The following EXOC6 variants were observed in gnomAD, a reference collection of about 807,000 sequenced individuals.
EXOC6 encodes the protein SEC15-like 1.
EXOC6 carries 60 observed loss-of-function variants against 112.5 expected under a neutral mutation model. That is an observed-to-expected ratio of 0.53 (90% confidence interval 0.43 to 0.66). The LOEUF (loss-of-function observed/expected upper bound fraction) is 0.66, where lower values mean the gene tolerates loss of function less well. EXOC6 is among the 30% of genes least tolerant of loss of function. The pLI is 0.00. For missense variants in EXOC6, 855 were observed against 957.1 expected (o/e 0.89, Z 1.41); for synonymous variants, 295 against 308.0 (o/e 0.96, Z 0.44).
At chr10:92,975,281 G>A (rs1203678914) in intron 18 of EXOC6, among the ~76,000 whole-genome samples, 4 of 151,256 alleles carry the variant, frequency 2.6e-5, no homozygotes, top group African/African-American at 9.7e-5. Flanking sequence ...GGTGAGGAGC[G>A]TCTCTGCTCG....
chr10:92,987,209 A>T (rs1843043026), intron 18 of EXOC6, among the ~76,000 whole-genome samples: 1 of 152,222 alleles, frequency 6.6e-6, no homozygotes. Flanking sequence ...AAAATTTTTG[A>T]AGCTTAACAA....
intron 17 of EXOC6, among the ~76,000 whole-genome samples, chr10:92,966,109 T>A (rs1027754007): frequency 1.3e-5 from 2 of 152,074 alleles, no homozygotes; most frequent in African/African-American, 4.8e-5. Flanking sequence ...TGGAACCTGC[T>A]TGTGGTGTCA....
In EXOC6 at chr10:93,047,332, T is replaced by G. The variant is rs541709833; in HGVS notation, c.2170-9592T>G. On this transcript the variant is annotated intron_variant, in intron 20 of 21. Transcript: ENST00000260762. ...CAGGTGGATCACTTGAGCCCCGGAG[T>G]TCGAGACCAGCCTGGCCAACGTGTG... is the stretch of plus-strand genomic sequence containing the variant. Among the ~76,000 whole-genome samples the G allele has an allele frequency of 1.2e-4, 18 of 150,922 alleles. No homozygotes were observed. The South Asian group carries it at 3.8e-3, about 32-fold the overall frequency.
intron 18 of EXOC6, among the ~76,000 whole-genome samples, chr10:92,991,328 C>T (rs751155366): frequency 6.7e-6 from 1 of 149,380 alleles, no homozygotes; most frequent in Non-Finnish European, 1.5e-5. Context: ...CACAGCTACT[C>T]GGGAGGCTGA....
chr10:92,951,425 A>AG (rs2134006876), intron 14 of EXOC6, among the ~76,000 whole-genome samples: 1 of 152,310 alleles, frequency 6.6e-6, no homozygotes, highest in African/African-American at 2.4e-5. Context: ...AATCCAAGGA[A>AG]GGAGAGATCA....
intron 18 of EXOC6, among the ~76,000 whole-genome samples, chr10:92,989,453 T>G (rs1200404368): frequency 6.6e-6 from 1 of 152,218 alleles, no homozygotes; most frequent in Non-Finnish European, 1.5e-5. Context: ...TATACTTTAC[T>G]CATTTCTTGC....
At chr10:92,961,256 G>A (rs1853979891) in intron 17 of EXOC6, among the ~76,000 whole-genome samples, 1 of 152,062 alleles carries the variant, frequency 6.6e-6, no homozygotes, top group South Asian at 2.1e-4. Context: ...TTTTATTGAT[G>A]GAGTGTTCCT....
chr10:92,906,337 C>A (rs1023904191), intron 5 of EXOC6, among the ~76,000 whole-genome samples: 1 of 151,794 alleles, frequency 6.6e-6, no homozygotes, highest in Non-Finnish European at 1.5e-5. Flanking sequence ...TTTTTGTATG[C>A]AGGACGTTAT....
At chr10:93,007,930 T>A (rs1564905988) in intron 19 of EXOC6, among the ~76,000 whole-genome samples, 1 of 152,142 alleles carries the variant, frequency 6.6e-6, no homozygotes, top group Non-Finnish European at 1.5e-5. Context: ...ATTCAGCACT[T>A]TGGGAGGCCA....
chr10:92,975,916 G>A (rs1352039815), intron 18 of EXOC6, among the ~76,000 whole-genome samples: 1 of 142,698 alleles, frequency 7.0e-6, no homozygotes, highest in Non-Finnish European at 1.6e-5. Flanking sequence ...CCGGGAGGGA[G>A]GTGGGGGGGT....
chr10:93,043,101 A>G (rs1019823717), intron 20 of EXOC6, among the ~76,000 whole-genome samples: 4 of 151,920 alleles, frequency 2.6e-5, no homozygotes, highest in African/African-American at 9.7e-5. Flanking sequence ...ACAGCCAGCT[A>G]ATTTTTTGTA....
At chr10:92,854,067 G>A (rs1268030830) in intron 1 of EXOC6, among the ~76,000 whole-genome samples, 1 of 150,624 alleles carries the variant, frequency 6.6e-6, no homozygotes, top group Admixed American at 6.6e-5. Context: ...AGAAGATATT[G>A]GCAAATTGCA....
chr10:92,901,684 G>A (rs1214127587), intron 5 of EXOC6: 1 of 145,762 alleles, frequency 6.9e-6, no homozygotes, highest in Admixed American at 7.0e-5. Context: ...GCTCCTTTTA[G>A]TATTAATGGT....
In EXOC6 at chr10:92,972,287, C is replaced by T. The variant is rs576487474; in HGVS notation, c.1774-1766C>T. ...CCAGTGTCCAGGCTCTTGATACTGT[C>T]GTGAGAAGGAATTCAAGGATGAGTC... On this transcript the variant is annotated intron_variant, in intron 17 of 21. Transcript: ENST00000260762. 8.5e-5 allele frequency among the ~76,000 whole-genome samples: 13 copies of T among 152,158 alleles called. No homozygotes were observed. In the East Asian group the frequency reaches 1.4e-3, roughly 16 times the overall value.
chr10:92,836,595 G>C (rs756294893), intron 1 of EXOC6, among the ~76,000 whole-genome samples: 4 of 152,122 alleles, frequency 2.6e-5, no homozygotes, highest in Non-Finnish European at 5.9e-5. Context: ...TGTTATTTTG[G>C]GGGGTAGAGT....
intron 19 of EXOC6, among the ~76,000 whole-genome samples, chr10:92,999,750 C>G (rs1180297156): frequency 6.7e-6 from 1 of 149,894 alleles, no homozygotes; most frequent in Non-Finnish European, 1.5e-5. Context: ...GTCTCCCAGG[C>G]TGGAGTGCAG....
Position 92,896,119 on chromosome 10 carries a change from ATG to A in EXOC6, c.412+1117_412+1118del, listed in dbSNP as rs1198813076. 1.8e-3 allele frequency among the ~76,000 whole-genome samples: 40 copies of A among 21,700 alleles called. 3 individuals are homozygous for A. The highest frequency in any genetic ancestry group is 2.9e-3 in the Admixed American group (4 of 1,360). The allele number at this position is 21,700 out of a possible 152,430, so 14.2% of individuals were successfully genotyped here. A position where few individuals can be genotyped will look rare whatever the true frequency, so the allele number is the denominator to read the frequency against. ...TGTGTGTATATATATGTGTATATAT[ATG>A]TGTGTGTGTGTGTGTGTATGTATGT... is the stretch of plus-strand genomic sequence containing the variant. On this transcript the variant is annotated intron_variant, in intron 4 of 21. Coordinates refer to ENST00000260762, the MANE Select transcript of EXOC6 (RefSeq NM_019053.6).
At chr10:92,860,306 C>G (rs910458234) in intron 1 of EXOC6, among the ~76,000 whole-genome samples, 1 of 89,792 alleles carries the variant, frequency 1.1e-5, no homozygotes, top group Non-Finnish European at 2.1e-5. Context: ...GAGTCTTGTT[C>G]TGTAGCCCAG....
At chr10:92,973,994 T>G (rs886435059) in intron 17 of EXOC6, 59 bp from the exon 18 acceptor site, 56 of 1,297,082 alleles carry the variant, frequency 4.3e-5, no homozygotes, top group Non-Finnish European at 5.7e-5. Flanking sequence ...TCTAGAATTG[T>G]AAGAACACTT....
Sources: gnomAD v4.1 joint callset for allele counts (sites outside exome capture counted in the v4.1 genomes callset) on GRCh38, gnomAD v4.1.1 for gene constraint, MANE v1.5 for transcripts, NCBI Gene and HGNC (gene_info 2026-07-23, HGNC 2026-07-21) for gene names.